EVI5: variants seen among roughly 807,000 people sequenced by gnomAD.
EVI5 encodes ecotropic viral integration site 5.
A neutral mutation model predicts 112.0 loss-of-function variants in EVI5; 73 were observed. That is an observed-to-expected ratio of 0.65 (90% CI 0.54 to 0.79). EVI5 has a LOEUF of 0.79. Among genes scored for constraint, EVI5 ranks in the 30% least tolerant of loss-of-function variants. EVI5 has a pLI of 0.00. For synonymous variants in EVI5, 305 were observed against 319.9 expected (o/e 0.95, Z 0.50); for missense variants, 900 against 968.8 (o/e 0.93, Z 0.94).
intron 18 of EVI5, among the ~76,000 whole-genome samples, chr1:92,587,785 A>T (rs984767633): frequency 1.3e-5 from 2 of 152,206 alleles, no homozygotes; most frequent in Non-Finnish European, 2.9e-5. Context: ...GTAGACCTAC[A>T]CTCTTTTAAA....
At position 92,703,507 on chromosome 1, in the gene EVI5, G is replaced by T. The variant is rs1437736249; in HGVS notation, c.452C>A (p.Thr151Asn). 1 of 1,599,156 alleles carries T rather than the reference G, an allele frequency of 6.3e-7. No individual in the cohort carries two copies. Among genetic ancestry groups the T allele is most frequent in the Non-Finnish European group, 8.5e-7 (1 of 1,176,128 alleles). ...TCGGATCAATTTTTCACAAGGCGAG[G>T]TCATTTTCAGGAGTTCTGAATACTG... ...KDQYSELLKM[T>N]SPCEKLIRRD... The change falls in exon 4 of 20, where the codon ACC becomes AAC. Residue 151 changes from threonine (T) to asparagine (N), a missense_variant. By Grantham distance (65) the Thr-to-Asn change is moderately conservative. Transcript: ENST00000684568.
chr1:92,649,473 A>G (rs1661667939), intron 13 of EVI5, among the ~76,000 whole-genome samples: 1 of 152,204 alleles, frequency 6.6e-6, no homozygotes, highest in African/African-American at 2.4e-5. Flanking sequence ...ATCTCTATGT[A>G]TTCTTCTCAG....
At chr1:92,731,444 A>G (rs1676451634) in intron 2 of EVI5, among the ~76,000 whole-genome samples, 2 of 152,260 alleles carry the variant, frequency 1.3e-5, no homozygotes, top group African/African-American at 4.8e-5. Flanking sequence ...CCATTGACAA[A>G]TAATAATTGA....
intron 19 of EVI5, among the ~76,000 whole-genome samples, chr1:92,535,526 A>G (rs1336035076): frequency 6.6e-6 from 1 of 152,232 alleles, no homozygotes; most frequent in Non-Finnish European, 1.5e-5. Context: ...CATCAATGAT[A>G]GACTGGATCA....
At chr1:92,656,951 T>C (rs1157937207) in intron 13 of EVI5, among the ~76,000 whole-genome samples, 5 of 152,010 alleles carry the variant, frequency 3.3e-5, no homozygotes, top group African/African-American at 1.2e-4. Flanking sequence ...AATTCTACCA[T>C]ACATACAATG....
intron 1 of EVI5, among the ~76,000 whole-genome samples, chr1:92,754,915 G>T (rs1680695401): frequency 1.3e-5 from 2 of 152,084 alleles, no homozygotes; most frequent in South Asian, 4.2e-4. Flanking sequence ...ACACAAAGTT[G>T]GGCAATAATG....
rs1372405700 is a variant in EVI5 at position 92,513,740 on chromosome 1, A to G, written c.2397T>C (p.Ser799=). ...GGTTGCTCTCTCTGGTCTCCAGCAC[A>G]CTGTCTTCTGTTTCGCTCTCACTAC... ...ADGSESETED[S]VLETRESNQV... is the part of the protein sequence containing the mutation. Residue 799 remains serine (S), a synonymous_variant, in exon 20 of 20, where the codon AGT becomes AGC. Coordinates refer to ENST00000684568, the MANE Select transcript of EVI5 (RefSeq NM_001350197.2). 3 of 1,613,666 alleles carry G rather than the reference A, an allele frequency of 1.9e-6. No homozygotes were observed. Among genetic ancestry groups the G allele is most frequent in the Admixed American group, 3.3e-5 (2 of 59,942 alleles).
chr1:92,741,535 AG>A (rs1405914688), intron 1 of EVI5, among the ~76,000 whole-genome samples: 2 of 152,202 alleles, frequency 1.3e-5, no homozygotes, highest in Non-Finnish European at 2.9e-5. Context: ...ATTTTCGAAA[AG>A]GGCCTTCAAA....
intron 19 of EVI5, among the ~76,000 whole-genome samples, chr1:92,530,894 A>T (rs1218029809): frequency 3.3e-5 from 5 of 152,026 alleles, no homozygotes; most frequent in Non-Finnish European, 7.3e-5. Context: ...AAAGGATCAC[A>T]ACTCCTTGCC....
At chr1:92,730,884 T>C (rs924299720) in intron 2 of EVI5, among the ~76,000 whole-genome samples, 2 of 152,132 alleles carry the variant, frequency 1.3e-5, no homozygotes, top group African/African-American at 4.8e-5. Context: ...GCATCCAGAT[T>C]GGAAAGAAGC....
Position 92,527,323 on chromosome 1 carries a change from G to A in EVI5, c.2167-13353C>T, listed in dbSNP as rs147143802. Among the ~76,000 whole-genome samples the A allele has an allele frequency of 3.2e-3, 483 of 151,062 alleles. 4 individuals are homozygous for A. Among genetic ancestry groups the A allele is most frequent in the African/African-American group, 0.011 (466 of 41,092 alleles). On this transcript the variant is annotated intron_variant, in intron 19 of 19. Coordinates refer to ENST00000684568, the MANE Select transcript of EVI5 (RefSeq NM_001350197.2). Reference sequence around the variant, plus strand: ...CTAGCTACTTGGTAGGCTGAGGTAGGAGACTCGGTTGAACCTGGGAGGTGG... The same window carrying A: ...CTAGCTACTTGGTAGGCTGAGGTAGAAGACTCGGTTGAACCTGGGAGGTGG...
intron 9 of EVI5, among the ~76,000 whole-genome samples, chr1:92,680,747 T>C (rs1667454064): frequency 6.6e-6 from 1 of 152,092 alleles, no homozygotes; most frequent in African/African-American, 2.4e-5. Flanking sequence ...ATATATATCG[T>C]ATGGTGAAAT....
At position 92,624,345 on chromosome 1, in the gene EVI5, A is replaced by C. The variant is rs201412994; in HGVS notation, c.1669-11T>G. 4 of 1,609,750 alleles carry C rather than the reference A, an allele frequency of 2.5e-6. No individual in the cohort carries two copies. The highest frequency in any genetic ancestry group is 2.5e-6 in the Non-Finnish European group (3 of 1,177,572). ...ACGAGCTAAGTGGCGCTAAAGCATAAAAAATTATATTGCAACAAATACTCT... is the reference window on the plus strand; with the variant it reads ...ACGAGCTAAGTGGCGCTAAAGCATACAAAATTATATTGCAACAAATACTCT... On this transcript the variant is annotated splice_polypyrimidine_tract_variant and intron_variant, in intron 15 of 19. Coordinates refer to ENST00000684568, the MANE Select transcript of EVI5 (RefSeq NM_001350197.2).
chr1:92,535,414 A>G (rs1663698029), intron 19 of EVI5, among the ~76,000 whole-genome samples: 1 of 152,188 alleles, frequency 6.6e-6, no homozygotes, highest in Non-Finnish European at 1.5e-5. Context: ...CTGGGTATAT[A>G]CCCAAAGGAT....
At chr1:92,556,478 T>C (rs1397633835) in intron 19 of EVI5, among the ~76,000 whole-genome samples, 2 of 152,230 alleles carry the variant, frequency 1.3e-5, no homozygotes, top group African/African-American at 4.8e-5. Context: ...TAAGATGACA[T>C]ATAAAGAAAC....
chr1:92,727,756 A>T (rs540631255), intron 2 of EVI5, among the ~76,000 whole-genome samples: 172 of 152,266 alleles, frequency 1.1e-3, no homozygotes, highest in African/African-American at 4.0e-3. Context: ...TGGCTCACAC[A>T]TGTAATCCAA....
chr1:92,698,127 G>T, intron 5 of EVI5, 142 bp from the exon 6 acceptor site: 1 of 707,746 alleles, frequency 1.4e-6, no homozygotes. Context: ...AATGAGGTAA[G>T]AATCAGAAAG....
intron 19 of EVI5, among the ~76,000 whole-genome samples, chr1:92,533,344 A>T (rs897534685): frequency 6.6e-6 from 1 of 152,216 alleles, no homozygotes; most frequent in African/African-American, 2.4e-5. Flanking sequence ...TCACAGCTGA[A>T]TTCCACCAGA....
chr1:92,772,103 C>T (rs866890171), intron 1 of EVI5, among the ~76,000 whole-genome samples: 2 of 151,522 alleles, frequency 1.3e-5, no homozygotes, highest in South Asian at 2.1e-4. Flanking sequence ...CTGCCCACCT[C>T]GGCCTCCCAA....
Sources: gnomAD v4.1 joint callset for allele counts (sites outside exome capture counted in the v4.1 genomes callset) on GRCh38, gnomAD v4.1.1 for gene constraint, MANE v1.5 for transcripts, NCBI Gene and HGNC (gene_info 2026-07-23, HGNC 2026-07-21) for gene names.